Variants in GALNT13 observed in about 807,000 individuals in gnomAD.
The protein encoded by GALNT13 is polypeptide N-acetylgalactosaminyltransferase 13.
Under a neutral mutation model 64.2 loss-of-function variants are expected in GALNT13, and 28 were observed. The observed-to-expected ratio is 0.44, with a 90% CI of 0.32 to 0.60. The LOEUF (loss-of-function observed/expected upper bound fraction) is 0.60. Among genes scored for constraint, GALNT13 ranks in the 20% least tolerant of loss-of-function variants. The probability of loss-of-function intolerance (pLI) is 0.05; values close to 1 mark genes in which losing one functional copy is unlikely to be tolerated. For synonymous variants in GALNT13, 214 were observed against 224.6 expected (o/e 0.95, Z 0.42); for missense variants, 577 against 669.8 (o/e 0.86, Z 1.53).
At chr2:153,427,840 T>C in the GALNT13 span, among the ~76,000 whole-genome samples, 1 of 152,204 alleles carries the variant, frequency 6.6e-6, no homozygotes, top group African/African-American at 2.4e-5. Context: ...ATATAGTTTT[T>C]TATTTCCTTT....
In GALNT13 at chr2:153,964,074, T is replaced by C. The variant is rs369298603; in HGVS notation, c.142+19435T>C. Reference sequence around the variant, plus strand: ...GAGGAGGGTTAAAGTTCCTTTTTTTTCCCCCCCAAAAGAAACCCTCCATTC... The same window carrying C: ...GAGGAGGGTTAAAGTTCCTTTTTTTCCCCCCCCAAAAGAAACCCTCCATTC... On this transcript the variant is annotated intron_variant, in intron 3 of 12. Transcript: ENST00000392825. Among the ~76,000 whole-genome samples the C allele has an allele frequency of 2.3e-4, 33 of 145,950 alleles. No individual in the cohort carries two copies. In the East Asian group the frequency reaches 2.8e-3, roughly 12 times the overall value.
chr2:153,675,573 T>A, the GALNT13 span, among the ~76,000 whole-genome samples: 2 of 151,394 alleles, frequency 1.3e-5, no homozygotes, highest in African/African-American at 4.9e-5. Context: ...AGGGATAGAG[T>A]TAGGAGAAAT....
At chr2:153,896,261 A>G (rs942723099) in intron 1 of GALNT13, among the ~76,000 whole-genome samples, 1 of 150,370 alleles carries the variant, frequency 6.7e-6, no homozygotes, top group Non-Finnish European at 1.5e-5. Context: ...TTAACTTTAC[A>G]TTGCTTAATT....
chr2:153,084,080 T>C, the GALNT13 span, among the ~76,000 whole-genome samples: 1 of 152,242 alleles, frequency 6.6e-6, no homozygotes, highest in African/African-American at 2.4e-5. Context: ...TTCTCTATTC[T>C]GTTCCATTGG....
At chr2:153,240,514 T>C in the GALNT13 span, among the ~76,000 whole-genome samples, 1 of 152,150 alleles carries the variant, frequency 6.6e-6, no homozygotes, top group Non-Finnish European at 1.5e-5. Flanking sequence ...GTATCCACTT[T>C]GTACTGTTGG....
intron 11 of GALNT13, among the ~76,000 whole-genome samples, chr2:154,417,823 T>C (rs1396399946): frequency 1.3e-5 from 2 of 152,060 alleles, no homozygotes; most frequent in Non-Finnish European, 2.9e-5. Context: ...CTTTTAGAAC[T>C]ATGTAAATTC....
chr2:153,476,253 A>C, the GALNT13 span, among the ~76,000 whole-genome samples: 2 of 152,194 alleles, frequency 1.3e-5, no homozygotes, highest in Non-Finnish European at 1.5e-5. Flanking sequence ...TTTTGATCCC[A>C]ATCTTTGAGT....
At chr2:153,378,259 GATA>G in the GALNT13 span, among the ~76,000 whole-genome samples, 18 of 1,918 alleles carry the variant, frequency 9.4e-3, no homozygotes, top group Middle Eastern at 0.25. Context: ...GAACATTATA[GATA>G]GATAGATAGA....
chr2:154,311,196 T>C (rs1489647098), intron 9 of GALNT13, among the ~76,000 whole-genome samples: 1 of 152,164 alleles, frequency 6.6e-6, no homozygotes, highest in Non-Finnish European at 1.5e-5. Context: ...TATATGTGTA[T>C]AGACATATAT....
intron 9 of GALNT13, among the ~76,000 whole-genome samples, chr2:154,332,915 A>T (rs543849122): frequency 6.6e-6 from 1 of 151,634 alleles, no homozygotes; most frequent in East Asian, 2.0e-4. Flanking sequence ...AACACAAAAA[A>T]CCCATAGGTG....
At chr2:153,150,149 G>C in the GALNT13 span, among the ~76,000 whole-genome samples, 2 of 151,858 alleles carry the variant, frequency 1.3e-5, no homozygotes, top group African/African-American at 4.8e-5. Context: ...TGAAAGGAAA[G>C]TCCTGATGTA....
chr2:154,180,134 G>A (rs1685874000), intron 4 of GALNT13, among the ~76,000 whole-genome samples: 1 of 152,096 alleles, frequency 6.6e-6, no homozygotes, highest in Non-Finnish European at 1.5e-5. Context: ...AGATGGCATT[G>A]TAGGCATCAG....
At chr2:153,232,827 C>T in the GALNT13 span, among the ~76,000 whole-genome samples, 1 of 152,206 alleles carries the variant, frequency 6.6e-6, no homozygotes, top group Non-Finnish European at 1.5e-5. Flanking sequence ...CTCCAGGAGA[C>T]TCTTCTCAAC....
chr2:154,150,497 A>T (rs893114600), intron 4 of GALNT13, among the ~76,000 whole-genome samples: 1 of 152,262 alleles, frequency 6.6e-6, no homozygotes, highest in Non-Finnish European at 1.5e-5. Flanking sequence ...TAGTTTCAGA[A>T]GGAATGGTAC....
At chr2:154,317,028 CA>C (rs2105148364) in intron 9 of GALNT13, among the ~76,000 whole-genome samples, 1 of 152,188 alleles carries the variant, frequency 6.6e-6, no homozygotes, top group East Asian at 1.9e-4. Flanking sequence ...GCCTGGCCAA[CA>C]TGGTGAAACC....
intron 3 of GALNT13, among the ~76,000 whole-genome samples, chr2:154,069,005 T>G (rs1700607877): frequency 6.6e-6 from 1 of 151,968 alleles, no homozygotes; most frequent in Admixed American, 6.6e-5. Context: ...TCAAAATATT[T>G]CATGTGCCCC....
At chr2:154,189,779 C>T (rs765352971) in intron 4 of GALNT13, among the ~76,000 whole-genome samples, 27 of 151,986 alleles carry the variant, frequency 1.8e-4, no homozygotes, top group Non-Finnish European at 3.7e-4. Context: ...CCATCCACTC[C>T]TACTATGGTG....
chr2:153,920,279 A>G (rs1303789578), intron 2 of GALNT13, among the ~76,000 whole-genome samples: 2 of 152,000 alleles, frequency 1.3e-5, no homozygotes. Context: ...TGGTACAAAG[A>G]CCAACACATA....
the GALNT13 span, among the ~76,000 whole-genome samples, chr2:153,200,160 A>G: frequency 6.6e-6 from 1 of 152,236 alleles, no homozygotes; most frequent in Non-Finnish European, 1.5e-5. Context: ...TGAGACTGAA[A>G]TCAGGTATCT....
Sources: gnomAD v4.1 joint callset for allele counts (sites outside exome capture counted in the v4.1 genomes callset) on GRCh38, gnomAD v4.1.1 for gene constraint, MANE v1.5 for transcripts, NCBI Gene and HGNC (gene_info 2026-07-23, HGNC 2026-07-21) for gene names.